Variants in SLC25A21 observed in about 807,000 individuals in gnomAD.
The protein encoded by SLC25A21 is solute carrier family 25 member 21, also known as mitochondrial 2-oxodicarboxylate carrier.
SLC25A21 carries 47 observed loss-of-function variants against 43.8 expected under a neutral mutation model. That is an observed-to-expected ratio of 1.07 (90% CI 0.85 to 1.37). SLC25A21 has a LOEUF of 1.37. Ranked by LOEUF, SLC25A21 falls within the 40% of genes most tolerant of loss-of-function variation. The pLI, the probability that SLC25A21 is intolerant of heterozygous loss-of-function variation, is 0.00. For synonymous variants in SLC25A21, 131 were observed against 121.3 expected, an observed-to-expected ratio of 1.08 and a Z score of -0.52; for missense variants, 352 against 350.2, an observed-to-expected ratio of 1.00 and a Z score of -0.04.
At chr14:37,086,176 T>C (rs1249361156) in intron 1 of SLC25A21, among the ~76,000 whole-genome samples, 1 of 152,154 alleles carries the variant, frequency 6.6e-6, no homozygotes, top group Non-Finnish European at 1.5e-5. Context: ...TTTATTATTG[T>C]TGCTTCATCT....
intron 1 of SLC25A21, among the ~76,000 whole-genome samples, chr14:36,957,343 G>C: frequency 6.6e-6 from 1 of 151,990 alleles, no homozygotes; most frequent in South Asian, 2.1e-4. Flanking sequence ...AGCGTTCAGA[G>C]CTGATGCTAG....
chr14:36,704,374 T>A (rs1883407090), intron 7 of SLC25A21, among the ~76,000 whole-genome samples: 1 of 152,060 alleles, frequency 6.6e-6, no homozygotes, highest in Admixed American at 6.6e-5. Flanking sequence ...AAATACAAGG[T>A]AAGACTGGGT....
intron 7 of SLC25A21, among the ~76,000 whole-genome samples, chr14:36,699,570 G>A (rs1190468525): frequency 6.6e-6 from 1 of 152,184 alleles, no homozygotes; most frequent in Admixed American, 6.5e-5. Flanking sequence ...GAGTCTAGAG[G>A]CAGGAGGCCT....
rs869036662 is a variant in SLC25A21 at position 36,679,963 on chromosome 14, T to TGA, written c.*694_*695insTC. ...TTAAACATGCTTAAACAACAGTGTTTTAACATTCTGTTTTAAACAATGTTT... is the reference window on the plus strand; with the variant it reads ...TTAAACATGCTTAAACAACAGTGTTTGATAACATTCTGTTTTAAACAATGTTT... On this transcript the variant is annotated 3_prime_UTR_variant, in exon 10 of 10. Coordinates refer to ENST00000331299, the MANE Select transcript of SLC25A21 (RefSeq NM_030631.4). The TGA allele has an allele frequency of 3.5e-3, 2,666 of 758,858 alleles. 12 individuals carry two copies. Among genetic ancestry groups the TGA allele is most frequent in the Admixed American group, 0.013 (42 of 3,300 alleles). The allele number at this position is 758,858 out of a possible 1,614,324, so 47.0% of individuals were successfully genotyped here. A position where few individuals can be genotyped will look rare whatever the true frequency, so the allele number is the denominator to read the frequency against.
At chr14:36,860,561 A>T (rs1174014449) in intron 2 of SLC25A21, among the ~76,000 whole-genome samples, 1 of 152,166 alleles carries the variant, frequency 6.6e-6, no homozygotes, top group East Asian at 1.9e-4. Context: ...CTCCCCCTGG[A>T]CACTGACAGC....
At position 36,737,387 on chromosome 14, in the gene SLC25A21, G is replaced by A. The variant is rs7147980; in HGVS notation, c.204-2814C>T. ...CCAGAGCCCTCTGCTTTGTGTTGAC[G>A]ATGCTTCATTGATGTGCCCTACTTC... On this transcript the variant is annotated intron_variant, in intron 3 of 9. Coordinates refer to ENST00000331299, the MANE Select transcript of SLC25A21 (RefSeq NM_030631.4). Among the ~76,000 whole-genome samples, 497 of 152,242 alleles carry A rather than the reference G, an allele frequency of 3.3e-3. 1 individual carries two copies. Among genetic ancestry groups the A allele is most frequent in the African/African-American group, 9.6e-3 (399 of 41,546 alleles).
intron 1 of SLC25A21, among the ~76,000 whole-genome samples, chr14:36,904,788 G>A (rs1171157701): frequency 6.6e-6 from 1 of 152,122 alleles, no homozygotes; most frequent in East Asian, 1.9e-4. Flanking sequence ...CAGCATGGGG[G>A]AAATCGCCCC....
intron 3 of SLC25A21, among the ~76,000 whole-genome samples, chr14:36,736,068 TG>T (rs1566555029): frequency 6.6e-6 from 1 of 151,292 alleles, no homozygotes; most frequent in East Asian, 2.0e-4. Flanking sequence ...CCCGAGTAGC[TG>T]GGACTACAGG....
intron 1 of SLC25A21, among the ~76,000 whole-genome samples, chr14:36,947,922 G>A (rs1892714204): frequency 6.6e-6 from 1 of 152,130 alleles, no homozygotes; most frequent in African/African-American, 2.4e-5. Flanking sequence ...TATGTATGTG[G>A]AAATAAATAG....
intron 2 of SLC25A21, among the ~76,000 whole-genome samples, chr14:36,862,582 G>A (rs1890100250): frequency 6.6e-6 from 1 of 152,042 alleles, no homozygotes; most frequent in Admixed American, 6.6e-5. Context: ...ACACAGGGAG[G>A]GGAACAACAC....
intron 2 of SLC25A21, among the ~76,000 whole-genome samples, chr14:36,824,979 G>A (rs1888772609): frequency 6.6e-6 from 1 of 152,000 alleles, no homozygotes; most frequent in African/African-American, 2.4e-5. Flanking sequence ...GGTTTTAGAT[G>A]CAGGTAGATG....
At chr14:36,708,254 T>G (rs868101110) in intron 7 of SLC25A21, among the ~76,000 whole-genome samples, 2 of 152,150 alleles carry the variant, frequency 1.3e-5, no homozygotes, top group South Asian at 4.1e-4. Context: ...TATAAAACTA[T>G]GATGAACAAA....
chr14:36,976,798 C>T (rs74045219), intron 1 of SLC25A21, among the ~76,000 whole-genome samples: 13,733 of 152,262 alleles, frequency 0.09, 835 homozygotes, highest in Non-Finnish European at 0.14. Context: ...TCTTGCTTTG[C>T]GGCCACAACT....
chr14:36,963,473 A>T (rs1316106674), intron 1 of SLC25A21, among the ~76,000 whole-genome samples: 1 of 152,224 alleles, frequency 6.6e-6, no homozygotes, highest in Non-Finnish European at 1.5e-5. Context: ...ATCTGCCATT[A>T]GCACAAAGAA....
chr14:37,069,294 C>G (rs539987808), intron 1 of SLC25A21, among the ~76,000 whole-genome samples: 1 of 152,280 alleles, frequency 6.6e-6, no homozygotes, highest in Non-Finnish European at 1.5e-5. Flanking sequence ...GAGCACCCAT[C>G]TGCACCCACC....
chr14:36,815,757 C>G (rs1408968), intron 2 of SLC25A21, among the ~76,000 whole-genome samples: 28,002 of 151,924 alleles, frequency 0.18, 2,978 homozygotes, highest in Middle Eastern at 0.25. Flanking sequence ...TCATTTCTCC[C>G]GTACCTGAGT....
chr14:36,981,589 C>T (rs554290409), intron 1 of SLC25A21, among the ~76,000 whole-genome samples: 4 of 151,984 alleles, frequency 2.6e-5, no homozygotes, highest in African/African-American at 9.7e-5. Context: ...ATCGCAAGGA[C>T]AGAAAACCAA....
At chr14:37,020,888 G>A (rs777631441) in intron 1 of SLC25A21, among the ~76,000 whole-genome samples, 4 of 151,842 alleles carry the variant, frequency 2.6e-5, no homozygotes, top group South Asian at 2.1e-4. Context: ...AATGAAAAAC[G>A]GAAATAATAA....
intron 2 of SLC25A21, among the ~76,000 whole-genome samples, chr14:36,830,495 A>T: frequency 6.6e-6 from 1 of 151,956 alleles, no homozygotes; most frequent in East Asian, 1.9e-4. Context: ...GTTTCCTACT[A>T]CACTACTAAG....
Sources: allele counts gnomAD v4.1 joint callset (sites outside exome capture counted in the v4.1 genomes callset), GRCh38; gene constraint gnomAD v4.1.1; transcripts MANE v1.5; gene names NCBI Gene and HGNC (gene_info 2026-07-23, HGNC 2026-07-21).